Variants in C2orf76 observed in about 807,000 individuals in gnomAD.
The protein encoded by C2orf76 is chromosome 2 open reading frame 76.
C2orf76 carries 23 observed loss-of-function variants against 16.9 expected under a neutral mutation model. The ratio of observed to expected loss-of-function variants is 1.36; its 90% CI spans 0.98 to 1.93. The LOEUF (loss-of-function observed/expected upper bound fraction) is 1.93, where lower values mean the gene tolerates loss of function less well. C2orf76 is among the 30% of genes most tolerant of loss of function. C2orf76 has a pLI of 0.00. For synonymous variants in C2orf76, 48 were observed against 52.3 expected (o/e 0.92, Z 0.35); for missense variants, 152 against 152.6 (o/e 1.00, Z 0.02).
intron 1 of C2orf76, among the ~76,000 whole-genome samples, chr2:119,364,777 G>A: frequency 6.6e-6 from 1 of 152,100 alleles, no homozygotes; most frequent in Admixed American, 6.5e-5. Flanking sequence ...TCAGAATTAT[G>A]AAAAGCAATA....
chr2:119,367,050 G>C (rs763279404), upstream of C2orf76: 1 of 1,614,130 alleles, frequency 6.2e-7, no homozygotes. Flanking sequence ...AAGTCGGCCA[G>C]GATGTCTCAG....
At chr2:119,315,985 A>G (rs1315947495) in intron 4 of C2orf76, among the ~76,000 whole-genome samples, 2 of 152,232 alleles carry the variant, frequency 1.3e-5, no homozygotes, top group African/African-American at 2.4e-5. Flanking sequence ...CTTTTTGGCA[A>G]CATGAGCATA....
At chr2:119,342,310 C>T (rs886671669) in intron 1 of C2orf76, among the ~76,000 whole-genome samples, 5 of 152,120 alleles carry the variant, frequency 3.3e-5, no homozygotes, top group Admixed American at 6.5e-5. Flanking sequence ...GTCTTTATTT[C>T]GTTTGATAGG....
intron 5 of C2orf76, among the ~76,000 whole-genome samples, chr2:119,309,224 C>T (rs1211625317): frequency 6.6e-6 from 1 of 152,114 alleles, no homozygotes; most frequent in East Asian, 1.9e-4. Context: ...GACTCTACTA[C>T]ATAAAACAGT....
intron 1 of C2orf76, among the ~76,000 whole-genome samples, chr2:119,346,175 T>C (rs1025923937): frequency 2.0e-5 from 3 of 151,434 alleles, no homozygotes; most frequent in African/African-American, 7.3e-5. Context: ...GAAATTCACA[T>C]ACATTGCTGG....
chr2:119,350,191 G>C (rs2104628824), intron 1 of C2orf76, among the ~76,000 whole-genome samples: 1 of 151,716 alleles, frequency 6.6e-6, no homozygotes, highest in South Asian at 2.1e-4. Context: ...TCTTGCACTA[G>C]AGACACAGGA....
chr2:119,350,734 G>A (rs1269658276), intron 1 of C2orf76, among the ~76,000 whole-genome samples: 2 of 152,168 alleles, frequency 1.3e-5, no homozygotes, highest in African/African-American at 4.8e-5. Context: ...TGGAAATTCA[G>A]CAACCAGGCA....
At chr2:119,318,413 A>T (rs1263393818) in intron 3 of C2orf76, among the ~76,000 whole-genome samples, 1 of 152,248 alleles carries the variant, frequency 6.6e-6, no homozygotes, top group Non-Finnish European at 1.5e-5. Context: ...ATCTATTTTT[A>T]AAACAGACCT....
intron 1 of C2orf76, among the ~76,000 whole-genome samples, chr2:119,349,794 C>CTCGATG (rs1680323302): frequency 6.6e-6 from 1 of 152,188 alleles, no homozygotes; most frequent in African/African-American, 2.4e-5. Context: ...GCACCTATCA[C>CTCGATG]TCGATGTCGA....
downstream of C2orf76, among the ~76,000 whole-genome samples, chr2:119,299,450 T>C (rs1273690240): frequency 6.6e-6 from 1 of 152,238 alleles, no homozygotes; most frequent in African/African-American, 2.4e-5. Flanking sequence ...TTTGAATCAA[T>C]CTTCCATTCC....
intron 1 of C2orf76, among the ~76,000 whole-genome samples, chr2:119,348,708 TAA>T (rs201741264): frequency 0.019 from 2,850 of 148,106 alleles, 36 homozygotes; most frequent in South Asian, 0.056. Flanking sequence ...GAAAAGAAGT[TAA>T]AGGGCTCGGT....
intron 1 of C2orf76, among the ~76,000 whole-genome samples, chr2:119,346,993 A>C (rs1468659840): frequency 6.6e-6 from 1 of 152,232 alleles, no homozygotes; most frequent in Non-Finnish European, 1.5e-5. Flanking sequence ...TCCCAAAATA[A>C]AAAAATTCCA....
intron 5 of C2orf76, among the ~76,000 whole-genome samples, chr2:119,303,870 G>A (rs569052222): frequency 3.3e-5 from 5 of 152,158 alleles, no homozygotes; most frequent in South Asian, 2.1e-4. Context: ...CTGCAACCTC[G>A]CATGACAAGG....
chr2:119,362,658 G>A (rs1169352498), intron 1 of C2orf76, among the ~76,000 whole-genome samples: 3 of 152,146 alleles, frequency 2.0e-5, no homozygotes, highest in Admixed American at 1.3e-4. Flanking sequence ...AGCGCAGGCA[G>A]CACCTGACCA....
rs945336573 is a variant in C2orf76, at chr2:119,310,543, T to C, written c.304+1079A>G. Among the ~76,000 whole-genome samples the C allele has an allele frequency of 4.6e-5, 7 of 152,182 alleles. 1 individual carries two copies. In the South Asian group the frequency reaches 1.5e-3, roughly 32 times the overall value. On this transcript the variant is annotated intron_variant, in intron 5 of 5. Coordinates refer to ENST00000334816, the MANE Select transcript of C2orf76 (RefSeq NM_001322331.2). ...AAGTGATTAAAGTAACTCAAAATAA[T>C]ACTTGTCAAAAAAAAAATTCAGGCT...
At chr2:119,351,767 A>G (rs1573681447) in intron 1 of C2orf76, among the ~76,000 whole-genome samples, 1 of 152,172 alleles carries the variant, frequency 6.6e-6, no homozygotes, top group East Asian at 1.9e-4. Flanking sequence ...CTCAAAAAAA[A>G]AAAAGCATAG....
At chr2:119,363,507 G>A (rs955333660) in intron 1 of C2orf76, among the ~76,000 whole-genome samples, 12 of 151,540 alleles carry the variant, frequency 7.9e-5, no homozygotes, top group East Asian at 5.8e-4. Flanking sequence ...CCAAGTAACC[G>A]GAAAGAAAAT....
chr2:119,305,890 G>T (rs574057012), intron 5 of C2orf76, among the ~76,000 whole-genome samples: 40 of 136,060 alleles, frequency 2.9e-4, no homozygotes, highest in African/African-American at 9.5e-4. Context: ...TGGCAGAGAA[G>T]ATTTCAAACT....
chr2:119,358,404 C>A (rs112790532), intron 1 of C2orf76, among the ~76,000 whole-genome samples: 2,854 of 152,024 alleles, frequency 0.019, 36 homozygotes, highest in South Asian at 0.054. Flanking sequence ...TGGAGGAACC[C>A]CTGTCCCTAC....
Sources: allele counts gnomAD v4.1 joint callset (sites outside exome capture counted in the v4.1 genomes callset), GRCh38; gene constraint gnomAD v4.1.1; transcripts MANE v1.5; gene names NCBI Gene and HGNC (gene_info 2026-07-23, HGNC 2026-07-21).